Variants in ZDHHC4 observed in about 807,000 individuals in gnomAD.
ZDHHC4 encodes zDHHC palmitoyltransferase 4, also known as palmitoyltransferase ZDHHC4.
In ZDHHC4, 42 loss-of-function variants were observed where a neutral mutation model predicts 36.7. That is an observed-to-expected ratio of 1.14 (90% CI 0.89 to 1.48). The LOEUF (loss-of-function observed/expected upper bound fraction) is 1.48, where lower values mean the gene tolerates loss of function less well. ZDHHC4 is among the 40% of genes most tolerant of loss of function. ZDHHC4 has a pLI of 0.00. For synonymous variants in ZDHHC4, 189 were observed against 166.6 expected (o/e 1.13, Z -1.03); for missense variants, 457 against 421.5 (o/e 1.08, Z -0.74).
intron 6 of ZDHHC4, chr7:6,584,205 T>C (rs541253328): frequency 6.6e-6 from 1 of 152,236 alleles, no homozygotes; most frequent in Non-Finnish European, 1.5e-5. Context: ...ATGAGATAGT[T>C]TATATTCTTT....
intron 5 of ZDHHC4, among the ~76,000 whole-genome samples, chr7:6,582,723 G>A (rs1780946388): frequency 6.6e-6 from 1 of 151,950 alleles, no homozygotes; most frequent in South Asian, 2.1e-4. Context: ...TCGCCATGTT[G>A]TCCAGGCTGG....
chr7:6,578,088 C>T lies in ZDHHC4; in HGVS notation c.-162-478C>T, dbSNP rs1420845071. ...CAGGTGTTCTACCCGCCTCGGCCTC[C>T]CAAAGTGCTGGGATTATAGGCGTGA... On this transcript the variant is annotated intron_variant, in intron 1 of 7. Transcript: ENST00000335965. Among the ~76,000 whole-genome samples the T allele has an allele frequency of 2.0e-5, 3 of 152,102 alleles. No homozygotes were observed. The East Asian group carries it at 5.8e-4, about 29-fold the overall frequency.
Position 6,589,318 on chromosome 7 carries a change from C to T in ZDHHC4, c.*408C>T. 5.2e-6 allele frequency: 1 copy of T among 193,622 alleles called. No individual in the cohort carries two copies. The highest frequency in any genetic ancestry group is 9.5e-5 in the South Asian group (1 of 10,568). 12.0% of individuals were successfully genotyped at this position (193,622 alleles called of 1,614,324 possible). ...TATGCCCCCTCTATTCTCCTCTCTC[C>T]CCCAGGGGATTTTCATCTCAACAAC... On this transcript the variant is annotated 3_prime_UTR_variant, in exon 8 of 8. Transcript: ENST00000335965.
rs989911178 is a variant in ZDHHC4, at chr7:6,579,343, G to C, written c.-8+623G>C. On this transcript the variant is annotated intron_variant, in intron 2 of 7. Transcript: ENST00000335965. ...CACCCCCTGAGTCGCTGGGATTACAGGCATGTGCCACCACGCCCGGTTAAT... is the reference window on the plus strand; with the variant it reads ...CACCCCCTGAGTCGCTGGGATTACACGCATGTGCCACCACGCCCGGTTAAT... 5.9e-5 allele frequency among the ~76,000 whole-genome samples: 9 copies of C among 152,166 alleles called. No homozygotes were observed. In the East Asian group the frequency reaches 9.7e-4, roughly 16 times the overall value.
chr7:6,578,249 T>C (rs1780579298), intron 1 of ZDHHC4, among the ~76,000 whole-genome samples: 1 of 152,092 alleles, frequency 6.6e-6, no homozygotes, highest in South Asian at 2.1e-4. Flanking sequence ...CACCTCAGCC[T>C]CCCAAGTAGC....
Position 6,582,226 on chromosome 7 carries a change from C to T in ZDHHC4, c.345C>T (p.Phe115=), listed in dbSNP as rs1369687506. 1.2e-6 allele frequency: 2 copies of T among 1,613,850 alleles called. No individual in the cohort carries two copies. The highest frequency in any genetic ancestry group is 1.7e-6 in the Non-Finnish European group (2 of 1,179,918). ...YLLLGVNLFF[F]TLTCGTNPGI... is the part of the protein sequence containing the mutation. ...TGCTAGGTGTAAACCTGTTTTTTTT[C>T]ACCCTGACTTGTGGAACCAATCCTG... is the stretch of plus-strand genomic sequence containing the variant. The change falls in exon 5 of 8, where the codon TTC becomes TTT. Residue 115 remains phenylalanine, a synonymous_variant. Coordinates refer to ENST00000335965, the MANE Select transcript of ZDHHC4 (RefSeq NM_001134389.2).
chr7:6,580,780 C>A, intron 3 of ZDHHC4, 102 bp downstream of exon 3: 2 of 1,068,668 alleles, frequency 1.9e-6, no homozygotes, highest in South Asian at 1.3e-5. Flanking sequence ...AGGCCGGGTG[C>A]AGTGCCTCAC....
intron 1 of ZDHHC4, among the ~76,000 whole-genome samples, chr7:6,578,312 A>C (rs1378811387): frequency 1.3e-5 from 2 of 151,548 alleles, no homozygotes; most frequent in Admixed American, 6.6e-5. Flanking sequence ...ATTTTTATGT[A>C]GGGACAGTGA....
chr7:6,584,991 C>T (rs1301828564), intron 6 of ZDHHC4, 25 bp from the exon 7 acceptor site: 9 of 1,612,282 alleles, frequency 5.6e-6, no homozygotes, highest in Non-Finnish European at 7.6e-6. Context: ...ACCATCCCAG[C>T]ACGTGCCCCC....
In ZDHHC4 at chr7:6,588,626, C is replaced by T. The variant is rs1178766637; in HGVS notation, c.751C>T (p.Leu251=). 6.2e-7 allele frequency: 1 copy of T among 1,614,120 alleles called. No individual in the cohort carries two copies. The highest frequency in any genetic ancestry group is 8.5e-7 in the Non-Finnish European group (1 of 1,180,014). ...TTTTCTCTGCTCCTAGTACCTGTTC[C>T]TGACTTTTCCACGGATTGTCTTCAT... ...DTVFLIQYLF[L]TFPRIVFMLG... is the part of the protein sequence containing the mutation. Residue 251 remains leucine, a synonymous_variant, in exon 8 of 8, where the codon CTG becomes TTG. Transcript: ENST00000335965.
chr7:6,581,020 T>G, intron 3 of ZDHHC4: 1 of 300,296 alleles, frequency 3.3e-6, no homozygotes, highest in Non-Finnish European at 6.3e-6. Context: ...TTTGTGTTCC[T>G]GCTGAAAGTC....
At position 6,582,106 on chromosome 7, in the gene ZDHHC4, G is replaced by T; in HGVS notation, c.225G>T (p.Leu75Phe). ...CCTTCATTGTCCTGCACCTGGTCTTGCAAGGGATGGTTTATACTGAGTACA... is the reference window on the plus strand; with the variant it reads ...CCTTCATTGTCCTGCACCTGGTCTTTCAAGGGATGGTTTATACTGAGTACA... Reference protein sequence around the residue: ...NHTFIVLHLVLQGMVYTEYTW... With the variant: ...NHTFIVLHLVFQGMVYTEYTW... The change falls in exon 5 of 8, where the codon TTG (leucine) becomes TTT (phenylalanine). Residue 75 changes from leucine to phenylalanine, a missense_variant. Leu to Phe is a conservative substitution (Grantham distance 22). Coordinates refer to ENST00000335965, the MANE Select transcript of ZDHHC4 (RefSeq NM_001134389.2). 1 of 1,614,086 alleles carries T rather than the reference G, an allele frequency of 6.2e-7. No individual in the cohort carries two copies. Among genetic ancestry groups the T allele is most frequent in the Non-Finnish European group, 8.5e-7 (1 of 1,179,982 alleles).
At chr7:6,584,629 C>T (rs2115179794) in intron 6 of ZDHHC4, among the ~76,000 whole-genome samples, 1 of 152,146 alleles carries the variant, frequency 6.6e-6, no homozygotes, top group East Asian at 1.9e-4. Flanking sequence ...AAAATGTCCT[C>T]TCTGTTTTTT....
chr7:6,580,715 A>G, intron 3 of ZDHHC4, 37 bp downstream of exon 3: 1 of 1,589,104 alleles, frequency 6.3e-7, no homozygotes, highest in African/African-American at 1.3e-5. Flanking sequence ...GAATTTGAAT[A>G]CTGTGTTAGT....
At chr7:6,582,049 C>A (rs370141673) in intron 4 of ZDHHC4, 24 bp from the exon 5 acceptor site, 1 of 1,599,880 alleles carries the variant, frequency 6.3e-7, no homozygotes. Context: ...CCCCCATGAA[C>A]AAGCCATGCC....
rs185460104 is a variant in ZDHHC4, at chr7:6,581,995, G to A, written c.192-78G>A. On this transcript the variant is annotated intron_variant, in intron 4 of 7. Transcript: ENST00000335965. ...TCAAGCCCAAAGGAAGTGGTTGGCC[G>A]TTGGTTACTTTCTTTAGTATCATAC... The A allele has an allele frequency of 2.4e-4, 348 of 1,437,894 alleles. 3 individuals are homozygous for A. In the African/African-American group the frequency reaches 4.1e-3, roughly 17 times the overall value. 89.1% of individuals were successfully genotyped at this position (1,437,894 alleles called of 1,614,324 possible).
Position 6,582,043 on chromosome 7 carries a change from C to T in ZDHHC4, c.192-30C>T, listed in dbSNP as rs765842838. 6 of 1,596,916 alleles carry T rather than the reference C, an allele frequency of 3.8e-6. No homozygotes were observed. The African/African-American group carries it at 6.7e-5, about 18-fold the overall frequency. ...TACAATTTCTTCAAGAAGAAACCCCCATGAACAAGCCATGCCTGTTTTCTT... is the reference window on the plus strand; with the variant it reads ...TACAATTTCTTCAAGAAGAAACCCCTATGAACAAGCCATGCCTGTTTTCTT... On this transcript the variant is annotated intron_variant, in intron 4 of 7. Coordinates refer to ENST00000335965, the MANE Select transcript of ZDHHC4 (RefSeq NM_001134389.2).
intron 7 of ZDHHC4, 51 bp downstream of exon 7, chr7:6,585,311 C>G (rs774723805): frequency 6.3e-7 from 1 of 1,590,934 alleles, no homozygotes; most frequent in South Asian, 1.1e-5. Context: ...GCAAAAAAGA[C>G]ATTTATTTTT....
At chr7:6,588,509 C>A in intron 7 of ZDHHC4, 108 bp from the exon 8 acceptor site, 1 of 1,189,950 alleles carries the variant, frequency 8.4e-7, no homozygotes, top group Non-Finnish European at 1.2e-6. Context: ...AGTAGGTGGG[C>A]TGAGGAAGCA....
Sources: allele counts gnomAD v4.1 joint callset (sites outside exome capture counted in the v4.1 genomes callset), GRCh38; gene constraint gnomAD v4.1.1; transcripts MANE v1.5; gene names NCBI Gene and HGNC (gene_info 2026-07-23, HGNC 2026-07-21).